Variants in NPAS3 observed in about 807,000 individuals in gnomAD.
The protein encoded by NPAS3 is neuronal PAS domain-containing protein 3.
A neutral mutation model predicts 73.1 loss-of-function variants in NPAS3; 14 were observed. The observed-to-expected ratio is 0.19, with a 90% CI of 0.13 to 0.30. The LOEUF (loss-of-function observed/expected upper bound fraction) is 0.30. Among genes scored for constraint, NPAS3 ranks in the 10% least tolerant of loss-of-function variants. NPAS3 has a pLI of 1.00. For synonymous variants in NPAS3, 620 were observed against 541.5 expected (o/e 1.14, Z -2.01); for missense variants, 1,096 against 1,250.0 (o/e 0.88, Z 1.86).
chr14:33,103,658 T>C (rs899890344), intron 2 of NPAS3, among the ~76,000 whole-genome samples: 1 of 152,258 alleles, frequency 6.6e-6, no homozygotes, highest in African/African-American at 2.4e-5. Context: ...TACTCAGTCA[T>C]AGAGGAGCAG....
At chr14:33,611,077 A>G (rs182704062) in intron 5 of NPAS3, 3 of 152,302 alleles carry the variant, frequency 2.0e-5, no homozygotes, top group Admixed American at 1.3e-4. Flanking sequence ...ATCTTCATAC[A>G]CTGGACTCTT....
At chr14:33,597,153 TTC>T (rs1784352770) in intron 5 of NPAS3, among the ~76,000 whole-genome samples, 1 of 152,228 alleles carries the variant, frequency 6.6e-6, no homozygotes, top group African/African-American at 2.4e-5. Context: ...CTCTCTCCTT[TTC>T]TCTTTCTCTT....
intron 2 of NPAS3, among the ~76,000 whole-genome samples, chr14:33,167,109 GCTTGGT>G (rs2045190254): frequency 6.6e-6 from 1 of 151,902 alleles, no homozygotes; most frequent in African/African-American, 2.4e-5. Context: ...AATTTACAAC[GCTTGGT>G]ATCTACACAG....
intron 4 of NPAS3, among the ~76,000 whole-genome samples, chr14:33,517,898 A>G (rs2053378030): frequency 6.6e-6 from 1 of 152,074 alleles, no homozygotes; most frequent in Non-Finnish European, 1.5e-5. Context: ...AATGAGTAAC[A>G]TATTGAACAA....
chr14:33,582,858 G>A (rs954633007), intron 5 of NPAS3, among the ~76,000 whole-genome samples: 16 of 151,750 alleles, frequency 1.1e-4, no homozygotes, highest in African/African-American at 3.1e-4. Flanking sequence ...CACACAAAGA[G>A]CATAAAATGT....
chr14:33,225,318 T>A (rs546666899), intron 3 of NPAS3, among the ~76,000 whole-genome samples: 1 of 152,364 alleles, frequency 6.6e-6, no homozygotes, highest in African/African-American at 2.4e-5. Flanking sequence ...GCACAGGTGC[T>A]CTGGTTAGTC....
chr14:33,324,581 A>G (rs978088205), intron 3 of NPAS3, among the ~76,000 whole-genome samples: 4 of 152,174 alleles, frequency 2.6e-5, no homozygotes, highest in Non-Finnish European at 5.9e-5. Flanking sequence ...ATCTACAGGG[A>G]TTGTGTTGTC....
intron 3 of NPAS3, among the ~76,000 whole-genome samples, chr14:33,319,695 A>C (rs17100638): frequency 0.034 from 5,202 of 152,122 alleles, 280 homozygotes; most frequent in East Asian, 0.19. Flanking sequence ...GTCCAACCCT[A>C]AGTTCACTTT....
At chr14:33,568,650 T>C (rs550226665) in intron 5 of NPAS3, among the ~76,000 whole-genome samples, 117 of 152,348 alleles carry the variant, frequency 7.7e-4, no homozygotes, top group African/African-American at 2.6e-3. Context: ...CCAAATTTCA[T>C]TTCTATACAC....
At chr14:33,050,912 T>C (rs2040679479) in intron 1 of NPAS3, among the ~76,000 whole-genome samples, 1 of 152,210 alleles carries the variant, frequency 6.6e-6, no homozygotes, top group African/African-American at 2.4e-5. Context: ...CTTTGGGCCA[T>C]CCTCAGCAGG....
intron 1 of NPAS3, among the ~76,000 whole-genome samples, chr14:33,048,816 A>T (rs2040602575): frequency 6.6e-6 from 1 of 152,204 alleles, no homozygotes; most frequent in Non-Finnish European, 1.5e-5. Context: ...GTGTTCTAAC[A>T]CTTACTGGAT....
chr14:32,979,974 G>A (rs10220540), intron 1 of NPAS3, among the ~76,000 whole-genome samples: 25,654 of 152,052 alleles, frequency 0.17, 2,548 homozygotes, highest in African/African-American at 0.28. Flanking sequence ...CTTTTGTTGC[G>A]AAGAAAAGAA....
chr14:33,180,990 C>T (rs2045778510), intron 2 of NPAS3, among the ~76,000 whole-genome samples: 1 of 152,038 alleles, frequency 6.6e-6, no homozygotes, highest in Non-Finnish European at 1.5e-5. Context: ...TTTCCCACCA[C>T]TCTGATTTCA....
chr14:33,604,628 A>G (rs1165695178), intron 5 of NPAS3, among the ~76,000 whole-genome samples: 2 of 152,092 alleles, frequency 1.3e-5, no homozygotes, highest in East Asian at 1.9e-4. Flanking sequence ...AAAACAAAAA[A>G]TCTCCACCTA....
At chr14:33,528,581 A>G (rs2140155854) in intron 4 of NPAS3, among the ~76,000 whole-genome samples, 1 of 152,096 alleles carries the variant, frequency 6.6e-6, no homozygotes, top group Middle Eastern at 3.4e-3. Flanking sequence ...CTTCTGAGAA[A>G]TCCTTCATGC....
intron 1 of NPAS3, among the ~76,000 whole-genome samples, chr14:32,993,545 A>C (rs187940177): frequency 6.6e-6 from 1 of 152,344 alleles, no homozygotes; most frequent in African/African-American, 2.4e-5. Context: ...TTAGACCTAG[A>C]AATGACCACT....
intron 2 of NPAS3, among the ~76,000 whole-genome samples, chr14:33,142,780 T>C (rs1430471119): frequency 6.6e-6 from 1 of 152,228 alleles, no homozygotes; most frequent in Non-Finnish European, 1.5e-5. Flanking sequence ...CTTTTTGTCC[T>C]GGAGAAAAAT....
intron 5 of NPAS3, among the ~76,000 whole-genome samples, chr14:33,569,681 G>C (rs1182012785): frequency 6.6e-6 from 1 of 152,138 alleles, no homozygotes; most frequent in Non-Finnish European, 1.5e-5. Context: ...GCAGATAGAG[G>C]ATGGTTTCCT....
At chr14:33,444,138 T>C (rs1464547535) in intron 4 of NPAS3, among the ~76,000 whole-genome samples, 1 of 152,230 alleles carries the variant, frequency 6.6e-6, no homozygotes, top group Non-Finnish European at 1.5e-5. Flanking sequence ...CATGGAATTA[T>C]GTCTGTCTGT....
Sources: allele counts gnomAD v4.1 joint callset (sites outside exome capture counted in the v4.1 genomes callset), GRCh38; gene constraint gnomAD v4.1.1; transcripts MANE v1.5; gene names NCBI Gene and HGNC (gene_info 2026-07-23, HGNC 2026-07-21).